GRM8: variants seen among roughly 807,000 people sequenced by gnomAD.
GRM8 encodes metabotropic glutamate receptor 8.
Under a neutral mutation model 87.2 loss-of-function variants are expected in GRM8, and 47 were observed. The ratio of observed to expected loss-of-function variants is 0.54; its 90% CI spans 0.43 to 0.69. The LOEUF is 0.69. Among genes scored for constraint, GRM8 ranks in the 30% least tolerant of loss-of-function variants. The pLI, the probability that GRM8 is intolerant of heterozygous loss-of-function variation, is 0.00. For missense variants in GRM8, 1,019 were observed against 1,139.2 expected (o/e 0.89, Z 1.52); for synonymous variants, 396 against 404.5 (o/e 0.98, Z 0.25).
intron 3 of GRM8, among the ~76,000 whole-genome samples, chr7:127,100,225 A>G (rs1248944561): frequency 6.6e-6 from 1 of 152,178 alleles, no homozygotes; most frequent in African/African-American, 2.4e-5. Context: ...ACCTCTCTTC[A>G]TGTAGGAACC....
At chr7:127,241,503 G>A (rs1176960005) in intron 2 of GRM8, among the ~76,000 whole-genome samples, 3 of 148,640 alleles carry the variant, frequency 2.0e-5, no homozygotes, top group African/African-American at 5.0e-5. Context: ...GCATGATCTC[G>A]GCTCATCGCA....
intron 6 of GRM8, among the ~76,000 whole-genome samples, chr7:126,844,555 T>G (rs538711411): frequency 8.3e-4 from 126 of 152,338 alleles, no homozygotes; most frequent in African/African-American, 3.0e-3. Context: ...ACAAAGGGTT[T>G]AGTCACTTGC....
intron 3 of GRM8, among the ~76,000 whole-genome samples, chr7:127,000,953 A>T (rs1292295527): frequency 6.6e-6 from 1 of 151,668 alleles, no homozygotes; most frequent in African/African-American, 2.4e-5. Flanking sequence ...ATACATATTA[A>T]AATGTAAAGG....
At chr7:126,477,367 TC>T (rs1806044259) in intron 9 of GRM8, among the ~76,000 whole-genome samples, 1 of 151,990 alleles carries the variant, frequency 6.6e-6, no homozygotes, top group Admixed American at 6.6e-5. Flanking sequence ...AGAGAGTAGA[TC>T]TTAAGTGTTC....
chr7:126,824,856 C>T (rs1241475401), intron 6 of GRM8, among the ~76,000 whole-genome samples: 1 of 152,146 alleles, frequency 6.6e-6, no homozygotes, highest in Non-Finnish European at 1.5e-5. Context: ...CTCTTTCCTC[C>T]CTAACTCATA....
chr7:126,963,485 CA>C (rs1809522705), intron 3 of GRM8, among the ~76,000 whole-genome samples: 1 of 152,122 alleles, frequency 6.6e-6, no homozygotes, highest in Admixed American at 6.6e-5. Context: ...TCTCAGGATA[CA>C]AAATCAATGT....
intron 3 of GRM8, among the ~76,000 whole-genome samples, chr7:126,936,482 A>G (rs1296454295): frequency 2.0e-5 from 3 of 152,174 alleles, no homozygotes; most frequent in Non-Finnish European, 4.4e-5. Flanking sequence ...CCTTTTAGTT[A>G]TAGAATTCCC....
In GRM8 at chr7:126,492,848, T is replaced by C. The variant is rs536345353; in HGVS notation, c.2430+40104A>G. Among the ~76,000 whole-genome samples the C allele has an allele frequency of 6.3e-4, 96 of 152,132 alleles. 1 individual carries two copies. Among genetic ancestry groups the C allele is most frequent in the Non-Finnish European group, 1.2e-3 (83 of 67,958 alleles). ...GTGATAGACAATCAAAATGGTAACA[T>C]AAGCAGAAATCACAAGTCGACACAT... On this transcript the variant is annotated intron_variant, in intron 9 of 10. Coordinates refer to ENST00000339582, the MANE Select transcript of GRM8 (RefSeq NM_000845.3).
intron 6 of GRM8, among the ~76,000 whole-genome samples, chr7:126,881,104 T>A (rs1799980950): frequency 6.6e-6 from 1 of 152,210 alleles, no homozygotes; most frequent in Admixed American, 6.5e-5. Context: ...TCATATGGCC[T>A]CTGTATTAGT....
chr7:127,057,964 G>T, intron 3 of GRM8: 1 of 239,736 alleles, frequency 4.2e-6, no homozygotes, highest in Non-Finnish European at 8.5e-6. Context: ...TTCATGCAAA[G>T]AAACATTTTC....
intron 6 of GRM8, among the ~76,000 whole-genome samples, chr7:126,797,068 AAAAAT>A (rs1317688997): frequency 2.0e-5 from 3 of 152,134 alleles, no homozygotes; most frequent in African/African-American, 7.2e-5. Flanking sequence ...TACTGAAAAT[AAAAAT>A]AAAAGTTCAA....
intron 6 of GRM8, among the ~76,000 whole-genome samples, chr7:126,788,420 A>AAAAAAAAAAAAAAAAAAAC: frequency 6.2e-5 from 5 of 81,132 alleles, no homozygotes; most frequent in African/African-American, 2.3e-4. Flanking sequence ...AAAAAAAAAA[A>AAAAAAAAAAAAAAAAAAAC]AAACCCTTTC....
chr7:126,971,662 G>A (rs1228708745), intron 3 of GRM8, among the ~76,000 whole-genome samples: 5 of 152,146 alleles, frequency 3.3e-5, no homozygotes. Flanking sequence ...TCCATGAGGA[G>A]AACTAATATC....
At chr7:127,063,112 ACATGGTGGCAGGCACCTG>A (rs1820779758) in intron 3 of GRM8, among the ~76,000 whole-genome samples, 1 of 152,066 alleles carries the variant, frequency 6.6e-6, no homozygotes, top group Admixed American at 6.5e-5. Context: ...AATTAGCCAG[ACATGGTGGCAGGCACCTG>A]TAGTCCTGGC....
intron 9 of GRM8, among the ~76,000 whole-genome samples, chr7:126,465,656 T>C (rs1804412232): frequency 6.6e-6 from 1 of 151,878 alleles, no homozygotes; most frequent in African/African-American, 2.4e-5. Context: ...TGTATATTGA[T>C]CTTATATTCA....
intron 3 of GRM8, among the ~76,000 whole-genome samples, chr7:126,977,468 A>G (rs1333508420): frequency 6.6e-6 from 1 of 152,238 alleles, no homozygotes; most frequent in African/African-American, 2.4e-5. Context: ...AGAGGACAAC[A>G]CAATATCTGG....
chr7:127,035,764 TA>T (rs1586814952), intron 3 of GRM8, among the ~76,000 whole-genome samples: 1 of 152,120 alleles, frequency 6.6e-6, no homozygotes, highest in East Asian at 1.9e-4. Context: ...AGGGACCTAT[TA>T]AAAAATGTTA....
Position 126,890,662 on chromosome 7 carries a change from C to T in GRM8, c.1156+11880G>A, listed in dbSNP as rs1461424666. On this transcript the variant is annotated intron_variant, in intron 6 of 10. Coordinates refer to ENST00000339582, the MANE Select transcript of GRM8 (RefSeq NM_000845.3). Reference sequence around the variant, plus strand: ...ATTTTAGATATTACTCGGAAGGACTCTGATAATTTAGCTTTAGTGAAGAGC... The same window carrying T: ...ATTTTAGATATTACTCGGAAGGACTTTGATAATTTAGCTTTAGTGAAGAGC... Among the ~76,000 whole-genome samples the T allele has an allele frequency of 2.0e-5, 3 of 152,028 alleles. No individual in the cohort carries two copies. The East Asian group carries it at 5.8e-4, about 29-fold the overall frequency.
chr7:126,830,127 C>T (rs1795217174), intron 6 of GRM8, among the ~76,000 whole-genome samples: 1 of 152,136 alleles, frequency 6.6e-6, no homozygotes, highest in South Asian at 2.1e-4. Context: ...TCTCTGGCTG[C>T]CCTTAACATT....
Sources: gnomAD v4.1 joint callset for allele counts (sites outside exome capture counted in the v4.1 genomes callset) on GRCh38, gnomAD v4.1.1 for gene constraint, MANE v1.5 for transcripts, NCBI Gene and HGNC (gene_info 2026-07-23, HGNC 2026-07-21) for gene names.